FCAR: variants seen among roughly 807,000 people sequenced by gnomAD.
FCAR encodes immunoglobulin alpha Fc receptor.
FCAR carries 21 observed loss-of-function variants against 27.1 expected under a neutral mutation model. The observed-to-expected ratio is 0.77, with a 90% confidence interval of 0.55 to 1.11. The LOEUF is 1.11. Ranked by LOEUF, FCAR falls within the 50% of genes most tolerant of loss-of-function variation. The pLI is 0.00. For synonymous variants in FCAR, 134 were observed against 135.8 expected (o/e 0.99, Z 0.09); for missense variants, 404 against 358.4 (o/e 1.13, Z -1.03).
chr19:54,876,727 G>A (rs963323450), intron 2 of FCAR, among the ~76,000 whole-genome samples: 1 of 152,120 alleles, frequency 6.6e-6, no homozygotes, highest in Non-Finnish European at 1.5e-5. Context: ...ACACCATCCT[G>A]GCTAACACGG....
At chr19:54,888,520 G>A in intron 4 of FCAR, 1 of 1,377,518 alleles carries the variant, frequency 7.3e-7, no homozygotes, top group Non-Finnish European at 9.4e-7. Context: ...GAGAACAGAA[G>A]GGCTAACTCA....
chr19:54,879,964 C>T (rs935074157), intron 2 of FCAR, among the ~76,000 whole-genome samples: 10 of 152,192 alleles, frequency 6.6e-5, no homozygotes, highest in South Asian at 6.2e-4. Flanking sequence ...GGATTACAGG[C>T]GTGAGCCACC....
chr19:54,891,369 C>T lies in FCAR; in HGVS notation c.*1506C>T, dbSNP rs1020344462. The T allele has an allele frequency of 5.3e-5, 8 of 152,094 alleles. No individual in the cohort carries two copies. Among genetic ancestry groups the T allele is most frequent in the African/African-American group, 1.9e-4 (8 of 41,396 alleles). 9.4% of individuals were successfully genotyped at this position (152,094 alleles called of 1,614,324 possible). On this transcript the variant is annotated 3_prime_UTR_variant, in exon 5 of 5. Transcript: ENST00000355524. ...TTATCTCTACTTGATAAAATTTCTACTGTATTCTTGGCTTAACTCAGGTCC... is the reference window on the plus strand; with the variant it reads ...TTATCTCTACTTGATAAAATTTCTATTGTATTCTTGGCTTAACTCAGGTCC...
chr19:54,880,663 A>G (rs1413519031), intron 2 of FCAR, among the ~76,000 whole-genome samples: 4 of 152,166 alleles, frequency 2.6e-5, no homozygotes, highest in Non-Finnish European at 4.4e-5. Context: ...TTTCTCATCC[A>G]TGTGGGCTAA....
intron 1 of FCAR, among the ~76,000 whole-genome samples, chr19:54,875,017 A>G (rs968477131): frequency 2.0e-5 from 3 of 152,102 alleles, no homozygotes; most frequent in African/African-American, 7.2e-5. Flanking sequence ...AAAAATACAA[A>G]AAAATTAGCC....
chr19:54,888,909 C>G lies in FCAR; in HGVS notation c.649+615C>G, dbSNP rs924211817. 6.1e-6 allele frequency: 6 copies of G among 985,324 alleles called. No individual in the cohort carries two copies. The East Asian group carries it at 6.8e-4, about 112-fold the overall frequency. The allele number at this position is 985,324 out of a possible 1,614,324, so 61.0% of individuals were successfully genotyped here. A position where few individuals can be genotyped will look rare whatever the true frequency, so the allele number is the denominator to read the frequency against. On this transcript the variant is annotated intron_variant, in intron 4 of 4. Coordinates refer to ENST00000355524, the MANE Select transcript of FCAR (RefSeq NM_002000.4). ...AAGTGAGGAGAGAATGAAAAGAAAA[C>G]ACAACCTGCCTGGCCGGGCGTGGTG...
rs955806350 is a variant in FCAR, at chr19:54,885,656, T to C, written c.361+131T>C. 1.1e-5 allele frequency: 7 copies of C among 658,976 alleles called. No individual in the cohort carries two copies. The African/African-American group carries it at 1.1e-4, about 10-fold the overall frequency. The allele number at this position is 658,976 out of a possible 1,614,324, so 40.8% of individuals were successfully genotyped here. A position where few individuals can be genotyped will look rare whatever the true frequency, so the allele number is the denominator to read the frequency against. On this transcript the variant is annotated intron_variant, in intron 3 of 4. Transcript: ENST00000355524. Reference sequence around the variant, plus strand: ...TTGCTTCAGAGAGTTCTCAGCCATCTGGCACCCCACTTCCCCCAGAGTTAA... The same window carrying C: ...TTGCTTCAGAGAGTTCTCAGCCATCCGGCACCCCACTTCCCCCAGAGTTAA...
Position 54,890,075 on chromosome 19 carries a change from T to A in FCAR, c.*212T>A. ...TTCAAGTGATTCTTGTGCCTCAGCC[T>A]CCCAAGTAGCTGGAATTACAGGCAC... On this transcript the variant is annotated 3_prime_UTR_variant, in exon 5 of 5. Coordinates refer to ENST00000355524, the MANE Select transcript of FCAR (RefSeq NM_002000.4). 1.7e-6 allele frequency: 1 copy of A among 585,114 alleles called. No homozygotes were observed. The highest frequency in any genetic ancestry group is 3.0e-6 in the Non-Finnish European group (1 of 328,548). The allele number at this position is 585,114 out of a possible 1,614,324, so 36.2% of individuals were successfully genotyped here.
chr19:54,888,909 C>T (rs924211817), intron 4 of FCAR: 1 of 985,442 alleles, frequency 1.0e-6, no homozygotes, highest in Non-Finnish European at 1.2e-6. Flanking sequence ...GAAAAGAAAA[C>T]ACAACCTGCC....
intron 2 of FCAR, among the ~76,000 whole-genome samples, chr19:54,883,184 T>A (rs2066518556): frequency 6.6e-6 from 1 of 151,474 alleles, no homozygotes; most frequent in Admixed American, 6.6e-5. Flanking sequence ...TTTTGTAATT[T>A]TTTTTTTTTT....
chr19:54,889,320 C>G (rs1453690670), intron 4 of FCAR, among the ~76,000 whole-genome samples: 1 of 146,100 alleles, frequency 6.8e-6, no homozygotes, highest in Non-Finnish European at 1.5e-5. Flanking sequence ...TGCAGTGAGC[C>G]GAGATCACGC....
intron 4 of FCAR, chr19:54,888,924 C>T: frequency 5.1e-6 from 5 of 984,876 alleles, no homozygotes; most frequent in Non-Finnish European, 4.8e-6. Flanking sequence ...CCTGCCTGGC[C>T]GGGCGTGGTG....
At position 54,889,387 on chromosome 19, in the gene FCAR, AAAAAAC is replaced by A. The variant is rs1411046410; in HGVS notation, c.650-260_650-255del. On this transcript the variant is annotated intron_variant, in intron 4 of 4. Transcript: ENST00000355524. ...ACTCCATCTCAAAAAAAAAAAAAAA[AAAAAAC>A]ACACACAACCTGCCCATAATCACCT... is the stretch of plus-strand genomic sequence containing the variant. Among the ~76,000 whole-genome samples the A allele has an allele frequency of 2.8e-3, 425 of 149,602 alleles. 2 individuals carry two copies. Among genetic ancestry groups the A allele is most frequent in the Non-Finnish European group, 5.1e-3 (345 of 67,536 alleles).
rs866355615 is a variant in FCAR at position 54,890,491 on chromosome 19, G to T, written c.*628G>T. ...TGCCCAGGCTGGAGTGCAGTGGCACGATCTCGGCTCACTGCAACCTCTGCC... is the reference window on the plus strand; with the variant it reads ...TGCCCAGGCTGGAGTGCAGTGGCACTATCTCGGCTCACTGCAACCTCTGCC... On this transcript the variant is annotated 3_prime_UTR_variant, in exon 5 of 5. Coordinates refer to ENST00000355524, the MANE Select transcript of FCAR (RefSeq NM_002000.4). 6.6e-6 allele frequency: 1 copy of T among 151,636 alleles called. No individual in the cohort carries two copies. The highest frequency in any genetic ancestry group is 2.4e-5 in the African/African-American group (1 of 41,210). 9.4% of individuals were successfully genotyped at this position (151,636 alleles called of 1,614,324 possible). A position where few individuals can be genotyped will look rare whatever the true frequency, so the allele number is the denominator to read the frequency against.
intron 3 of FCAR, among the ~76,000 whole-genome samples, chr19:54,887,490 G>A (rs191755600): frequency 4.1e-5 from 6 of 145,882 alleles, no homozygotes; most frequent in East Asian, 2.1e-4. Flanking sequence ...GCGTGGTGGC[G>A]GGTGCCTGTA....
chr19:54,888,927 G>C, intron 4 of FCAR: 1 of 985,188 alleles, frequency 1.0e-6, no homozygotes, highest in South Asian at 4.7e-5. Flanking sequence ...GCCTGGCCGG[G>C]CGTGGTGGCG....
At chr19:54,885,560 GATTT>G in intron 3 of FCAR, 35 bp downstream of exon 3, 1 of 1,474,766 alleles carries the variant, frequency 6.8e-7, no homozygotes, top group Non-Finnish European at 9.2e-7. Context: ...GCCCTGGTGT[GATTT>G]TTTTCTTATT....
intron 2 of FCAR, among the ~76,000 whole-genome samples, chr19:54,885,033 C>G (rs753280977): frequency 6.6e-6 from 1 of 152,076 alleles, no homozygotes; most frequent in Non-Finnish European, 1.5e-5. Flanking sequence ...GTCTTGATAT[C>G]GTCACCTTGT....
Position 54,889,844 on chromosome 19 carries a change from C to T in FCAR, c.845C>T (p.Thr282Ile). ...CAGCCAGGATTGACCTTTGCACGAA[C>T]ACCAAGTGTCTGCAAGTAAACACCT... ...MCQPGLTFARTPSVCK is the reference protein window; with the variant it reads ...MCQPGLTFARIPSVCK Residue 282 changes from threonine to isoleucine, a missense_variant, in exon 5 of 5, where the codon ACA (threonine) becomes ATA (isoleucine). Thr to Ile is a moderately conservative substitution (Grantham distance 89, BLOSUM62 -1). Coordinates refer to ENST00000355524, the MANE Select transcript of FCAR (RefSeq NM_002000.4). 1 of 1,604,470 alleles carries T rather than the reference C, an allele frequency of 6.2e-7. No homozygotes were observed. The highest frequency in any genetic ancestry group is 1.7e-5 in the Admixed American group (1 of 60,012).
Sources: gnomAD v4.1 joint callset for allele counts (sites outside exome capture counted in the v4.1 genomes callset) on GRCh38, gnomAD v4.1.1 for gene constraint, MANE v1.5 for transcripts, NCBI Gene and HGNC (gene_info 2026-07-23, HGNC 2026-07-21) for gene names.